ENTR1: variants seen among roughly 807,000 people sequenced by gnomAD.
ENTR1 encodes the protein endosome-associated-trafficking regulator 1.
Under a neutral mutation model 47.9 loss-of-function variants are expected in ENTR1, and 47 were observed. That is an observed-to-expected ratio of 0.98 (90% confidence interval 0.78 to 1.25). The LOEUF is 1.25. Ranked by LOEUF, ENTR1 falls within the 50% of genes most tolerant of loss-of-function variation. The probability of loss-of-function intolerance (pLI) is 0.00; values close to 1 mark genes in which losing one functional copy is unlikely to be tolerated. For missense variants in ENTR1, 668 were observed against 570.5 expected, an observed-to-expected ratio of 1.17 and a Z score of -1.74; for synonymous variants, 290 against 245.8, an observed-to-expected ratio of 1.18 and a Z score of -1.68.
Position 136,407,901 on chromosome 9 carries a change from G to T in ENTR1, c.327C>A (p.Phe109Leu). ...RFEDLEEANP[F>L]SFREFLKTKN... ...TGGTCTTCAGAAACTCTCTAAAAGAGAATGGATTTGCCTCTTCCAGATCTT... is the reference window on the plus strand; with the variant it reads ...TGGTCTTCAGAAACTCTCTAAAAGATAATGGATTTGCCTCTTCCAGATCTT... The change falls in exon 4 of 10, where the codon TTC becomes TTA. Residue 109 changes from phenylalanine to leucine, a missense_variant. Coordinates refer to ENST00000357365, the MANE Select transcript of ENTR1 (RefSeq NM_001039707.2). 1 of 1,612,592 alleles carries T rather than the reference G, an allele frequency of 6.2e-7. No homozygotes were observed. The highest frequency in any genetic ancestry group is 8.5e-7 in the Non-Finnish European group (1 of 1,178,684).
At chr9:136,405,042 A>G in intron 7 of ENTR1, 49 bp downstream of exon 7, 1 of 1,450,678 alleles carries the variant, frequency 6.9e-7, no homozygotes, top group Non-Finnish European at 9.7e-7. Context: ...CTTTCTCAGG[A>G]GCGCTCCTGC....
chr9:136,407,698 C>A, intron 4 of ENTR1, 128 bp downstream of exon 4: 2 of 1,374,856 alleles, frequency 1.5e-6, no homozygotes, highest in East Asian at 2.3e-5. Flanking sequence ...CTTCTGAGCC[C>A]AGAGCTGCTC....
chr9:136,403,903 T>C, intron 9 of ENTR1, 152 bp downstream of exon 9: 1 of 884,558 alleles, frequency 1.1e-6, no homozygotes, highest in Non-Finnish European at 1.7e-6. Flanking sequence ...CCCAGAGAGC[T>C]AACAGGACCA....
intron 7 of ENTR1, 93 bp downstream of exon 7, chr9:136,404,998 G>A (rs995124585): frequency 2.0e-6 from 2 of 1,010,474 alleles, no homozygotes; most frequent in East Asian, 2.4e-5. Context: ...CCGCTCCCAA[G>A]GGCAGGCTGC....
At chr9:136,408,835 G>A (rs1000840705) in intron 3 of ENTR1, among the ~76,000 whole-genome samples, 164 bp downstream of exon 3, 15 of 152,192 alleles carry the variant, frequency 9.9e-5, no homozygotes, top group Admixed American at 7.8e-4. Flanking sequence ...ATGTCACCTC[G>A]CTGCTACTCT....
Position 136,410,607 on chromosome 9 carries a change from AG to A in ENTR1, c.-211del, listed in dbSNP as rs1835063242. 2 of 1,292,292 alleles carry A rather than the reference AG, an allele frequency of 1.5e-6. No homozygotes were observed. The highest frequency in any genetic ancestry group is 9.9e-7 in the Non-Finnish European group (1 of 1,014,628). The allele number at this position is 1,292,292 out of a possible 1,614,324, so 80.1% of individuals were successfully genotyped here. On this transcript the variant is annotated 5_prime_UTR_variant, in exon 1 of 10. Coordinates refer to ENST00000357365, the MANE Select transcript of ENTR1 (RefSeq NM_001039707.2). The stretch of plus-strand genomic sequence containing the variant: ...GCCTGAACGCCTTGGGCCGTCGGCG[AG>A]GGGGAGGGGAAGCCGTGGGCGGAAG...
chr9:136,405,799 A>G, intron 6 of ENTR1, 106 bp downstream of exon 6: 1 of 670,890 alleles, frequency 1.5e-6, no homozygotes, highest in African/African-American at 1.8e-5. Context: ...TATATACAAT[A>G]AAACCCAGAT....
Position 136,407,274 on chromosome 9 carries a change from C to T in ENTR1, c.690G>A (p.Trp230Ter), listed in dbSNP as rs765560775. Residue 230 changes from tryptophan (W) to a stop codon, truncating the protein, a stop_gained, in exon 5 of 10, where the codon TGG (tryptophan) becomes TGA (stop). Coordinates refer to ENST00000357365, the MANE Select transcript of ENTR1 (RefSeq NM_001039707.2). LOFTEE classifies it high-confidence loss of function. ...CGCGAGAATCAGTGTCACTCAACGC[C>T]CACGAGGGCAGAGACTCAGGCCCTG... is the stretch of plus-strand genomic sequence containing the variant. ...ELAGPESLPS[W>*]ALSDTDSRVS... is the part of the protein sequence containing the mutation. 6.2e-6 allele frequency: 10 copies of T among 1,612,876 alleles called. No homozygotes were observed. Among genetic ancestry groups the T allele is most frequent in the Non-Finnish European group, 8.5e-6 (10 of 1,179,932 alleles).
In ENTR1 at chr9:136,410,613, AG is replaced by A; in HGVS notation, c.-217del. 7.7e-7 allele frequency: 1 copy of A among 1,295,660 alleles called. No homozygotes were observed. 80.3% of individuals were successfully genotyped at this position (1,295,660 alleles called of 1,614,324 possible). A position where few individuals can be genotyped will look rare whatever the true frequency, so the allele number is the denominator to read the frequency against. On this transcript the variant is annotated 5_prime_UTR_variant, in exon 1 of 10. Coordinates refer to ENST00000357365, the MANE Select transcript of ENTR1 (RefSeq NM_001039707.2). ...ACGCCTTGGGCCGTCGGCGAGGGGG[AG>A]GGGAAGCCGTGGGCGGAAGCGGAAG...
At chr9:136,403,958 G>A (rs79784317) in intron 9 of ENTR1, 97 bp downstream of exon 9, 48,890 of 1,388,018 alleles carry the variant, frequency 0.035, 1,111 homozygotes, top group East Asian at 0.11. Flanking sequence ...CTCCAGCCAC[G>A]GTGCCATCAG....
At position 136,402,684 on chromosome 9, in the gene ENTR1, C is replaced by G. The variant is rs1486612331; in HGVS notation, c.*104G>C. On this transcript the variant is annotated 3_prime_UTR_variant, in exon 10 of 10. Transcript: ENST00000357365. ...GGACTCTTGCGATCAACACTTTACT[C>G]TGGGTGAAGACTGCATATTTAAGGA... 1.3e-6 allele frequency: 1 copy of G among 764,404 alleles called. No individual in the cohort carries two copies. The highest frequency in any genetic ancestry group is 2.7e-5 in the East Asian group (1 of 37,686). The allele number at this position is 764,404 out of a possible 1,614,324, so 47.4% of individuals were successfully genotyped here. A position where few individuals can be genotyped will look rare whatever the true frequency, so the allele number is the denominator to read the frequency against.
At chr9:136,409,300 C>T (rs530720453) in intron 2 of ENTR1, among the ~76,000 whole-genome samples, 111 of 152,000 alleles carry the variant, frequency 7.3e-4, no homozygotes, top group Non-Finnish European at 1.4e-3. Context: ...CCTGCCTCAT[C>T]CTCCCGAGTA....
At chr9:136,403,917 A>T in intron 9 of ENTR1, 138 bp downstream of exon 9, 1 of 1,004,540 alleles carries the variant, frequency 1.0e-6, no homozygotes, top group Non-Finnish European at 1.5e-6. Flanking sequence ...AGGACCACTG[A>T]GCACGCGTCC....
intron 3 of ENTR1, among the ~76,000 whole-genome samples, chr9:136,408,494 C>T (rs10870137): frequency 0.14 from 20,915 of 151,714 alleles, 1,761 homozygotes; most frequent in Admixed American, 0.21. Context: ...AGGAGAATGG[C>T]GTGAACCTGG....
chr9:136,410,020 C>G (rs767104473), intron 2 of ENTR1, 70 bp downstream of exon 2: 1 of 1,561,256 alleles, frequency 6.4e-7, no homozygotes, highest in African/African-American at 1.4e-5. Flanking sequence ...CGAGCTCGTG[C>G]TGCAGCGGAG....
chr9:136,404,183 G>A lies in ENTR1; in HGVS notation c.1080C>T (p.Ser360=). The A allele has an allele frequency of 1.9e-6, 3 of 1,608,376 alleles. No individual in the cohort carries two copies. Among genetic ancestry groups the A allele is most frequent in the Non-Finnish European group, 1.7e-6 (2 of 1,176,806 alleles). The change falls in exon 9 of 10, where the codon TCC becomes TCT. Residue 360 remains serine, a synonymous_variant. Coordinates refer to ENST00000357365, the MANE Select transcript of ENTR1 (RefSeq NM_001039707.2). ...GGGCTTCATTCTCTCGCTGGAAGTT[G>A]GAGACCTGCGCCTGGGGGGACGGTT... ...QEISLLQAQV[S]NFQRENEALR...
At chr9:136,405,064 C>G (rs368672832) in intron 7 of ENTR1, 27 bp downstream of exon 7, 3 of 1,576,930 alleles carry the variant, frequency 1.9e-6, no homozygotes, top group Non-Finnish European at 2.6e-6. Context: ...CCACCCAGCT[C>G]GTCCGATTCA....
intron 4 of ENTR1, 121 bp from the exon 5 acceptor site, chr9:136,407,682 C>T (rs548138724): frequency 3.5e-6 from 5 of 1,432,624 alleles, no homozygotes; most frequent in African/African-American, 2.9e-5. Context: ...GGAAGGAGCC[C>T]AGCAGCTTCT....
chr9:136,406,983 A>G, intron 5 of ENTR1, 162 bp downstream of exon 5: 3 of 699,610 alleles, frequency 4.3e-6, no homozygotes, highest in Non-Finnish European at 7.0e-6. Flanking sequence ...ACGTGTAACC[A>G]GAAGCAAAGT....
Sources: allele counts gnomAD v4.1 joint callset (sites outside exome capture counted in the v4.1 genomes callset), GRCh38; gene constraint gnomAD v4.1.1; transcripts MANE v1.5; gene names NCBI Gene and HGNC (gene_info 2026-07-23, HGNC 2026-07-21).